Variants in MALRD1 observed in about 807,000 individuals in gnomAD.
MALRD1 encodes MAM and LDL receptor class A domain containing 1, also known as MAM and LDL-receptor class A domain-containing protein 1.
MALRD1 carries 247 observed loss-of-function variants against 242.1 expected under a neutral mutation model. That is an observed-to-expected ratio of 1.02 (90% CI 0.92 to 1.13). The LOEUF (loss-of-function observed/expected upper bound fraction) is 1.13, where lower values mean the gene tolerates loss of function less well. Among genes scored for constraint, MALRD1 ranks in the 50% most tolerant of loss-of-function variants. The pLI is 0.00. For missense variants in MALRD1, 2,989 were observed against 2,533.1 expected (o/e 1.18, Z -3.86); for synonymous variants, 995 against 866.6 (o/e 1.15, Z -2.60).
intron 21 of MALRD1, among the ~76,000 whole-genome samples, chr10:19,286,559 A>G (rs1841130304): frequency 1.3e-5 from 2 of 152,172 alleles, no homozygotes; most frequent in South Asian, 2.1e-4. Flanking sequence ...CAAATAAACT[A>G]GAAAATCTAG....
chr10:19,483,024 C>T (rs1428212756), intron 29 of MALRD1, among the ~76,000 whole-genome samples: 1 of 151,996 alleles, frequency 6.6e-6, no homozygotes, highest in Non-Finnish European at 1.5e-5. Context: ...AGAGTCATCA[C>T]ATTACATGAC....
At chr10:19,460,044 C>G (rs543827175) in intron 29 of MALRD1, among the ~76,000 whole-genome samples, 7 of 151,918 alleles carry the variant, frequency 4.6e-5, no homozygotes, top group Admixed American at 6.6e-5. Flanking sequence ...GGATCTAGGT[C>G]AGTAGGACCA....
intron 38 of MALRD1, chr10:19,722,642 A>G (rs1425730355): frequency 6.7e-6 from 1 of 148,660 alleles, no homozygotes; most frequent in Non-Finnish European, 1.5e-5. Flanking sequence ...TTAAAATACT[A>G]CAGTGATTAT....
intron 32 of MALRD1, among the ~76,000 whole-genome samples, chr10:19,550,752 G>A (rs992051951): frequency 1.3e-5 from 2 of 152,102 alleles, no homozygotes; most frequent in Non-Finnish European, 2.9e-5. Flanking sequence ...ACTAATAGGG[G>A]TTTAGGTTGA....
At position 19,319,342 on chromosome 10, in the gene MALRD1, C is replaced by G. The variant is rs535481061; in HGVS notation, c.3420-4607C>G. 2.7e-3 allele frequency among the ~76,000 whole-genome samples: 408 copies of G among 152,182 alleles called. 2 individuals carry two copies. The highest frequency in any genetic ancestry group is 0.02 in the Middle Eastern group (6 of 294). ...ACCAGTCAAGGTTCATTTTTCCCCT[C>G]ATGGCTAACTAACTTATTCAGTTCA... is the stretch of plus-strand genomic sequence containing the variant. On this transcript the variant is annotated intron_variant, in intron 21 of 39. Coordinates refer to ENST00000454679, the MANE Select transcript of MALRD1 (RefSeq NM_001142308.3).
chr10:19,155,748 G>A (rs1834119840), intron 12 of MALRD1, among the ~76,000 whole-genome samples: 1 of 152,116 alleles, frequency 6.6e-6, no homozygotes, highest in African/African-American at 2.4e-5. Context: ...AAACATACAT[G>A]ATTGTATGCA....
intron 4 of MALRD1, among the ~76,000 whole-genome samples, chr10:19,102,050 T>C (rs112990623): frequency 2.9e-5 from 3 of 103,774 alleles, no homozygotes; most frequent in Non-Finnish European, 5.8e-5. Flanking sequence ...AATTATAATC[T>C]ATATTATAAT....
intron 18 of MALRD1, among the ~76,000 whole-genome samples, chr10:19,249,791 A>G (rs1398315766): frequency 6.6e-6 from 1 of 152,010 alleles, no homozygotes; most frequent in Non-Finnish European, 1.5e-5. Flanking sequence ...ACAATAACTA[A>G]TGGGTGGGTA....
chr10:19,229,553 G>T, intron 18 of MALRD1, among the ~76,000 whole-genome samples: 1 of 152,010 alleles, frequency 6.6e-6, no homozygotes, highest in East Asian at 1.9e-4. Context: ...AACTTGATTT[G>T]CATTTGTTGT....
intron 26 of MALRD1, among the ~76,000 whole-genome samples, chr10:19,354,338 C>T (rs969965071): frequency 2.6e-5 from 4 of 151,986 alleles, no homozygotes; most frequent in African/African-American, 9.7e-5. Context: ...AAAAATTGCT[C>T]TTAAAAATAA....
chr10:19,690,341 A>G (rs1305733660), intron 36 of MALRD1, among the ~76,000 whole-genome samples: 3 of 152,062 alleles, frequency 2.0e-5, no homozygotes, highest in African/African-American at 7.2e-5. Context: ...AAATCAATCA[A>G]TCAATTAGTA....
rs544144772 is a variant in MALRD1, at chr10:19,635,066, A to G, written c.6137+19143A>G. Among the ~76,000 whole-genome samples the G allele has an allele frequency of 7.2e-5, 11 of 152,176 alleles. No homozygotes were observed. The South Asian group carries it at 1.7e-3, about 23-fold the overall frequency. On this transcript the variant is annotated intron_variant, in intron 36 of 39. Transcript: ENST00000454679. ...TGCCTTGCAACTAGTACTTGGATCA[A>G]ACCTTTTATAGGAATAATCCCTAAG...
intron 26 of MALRD1, among the ~76,000 whole-genome samples, chr10:19,361,430 G>C (rs963569172): frequency 3.3e-5 from 5 of 152,104 alleles, no homozygotes; most frequent in African/African-American, 9.7e-5. Flanking sequence ...TGCCATATCA[G>C]CCTACGATTT....
At chr10:19,283,232 A>T (rs912540739) in intron 21 of MALRD1, 51 bp downstream of exon 21, 2 of 1,353,176 alleles carry the variant, frequency 1.5e-6, no homozygotes, top group East Asian at 5.8e-5. Flanking sequence ...TTTATTAAGC[A>T]TCTCCCAAAT....
intron 26 of MALRD1, among the ~76,000 whole-genome samples, chr10:19,379,224 A>G (rs1845734465): frequency 5.9e-5 from 9 of 151,874 alleles, no homozygotes; most frequent in Admixed American, 5.2e-4. Context: ...ATGTTTTATC[A>G]GTTTTACTGA....
intron 30 of MALRD1, among the ~76,000 whole-genome samples, chr10:19,494,127 G>A (rs1190132784): frequency 4.6e-5 from 7 of 152,094 alleles, no homozygotes; most frequent in Admixed American, 1.3e-4. Context: ...TGCACTTAGC[G>A]CCACATGCTG....
chr10:19,329,251 G>A (rs1357758081), intron 23 of MALRD1, among the ~76,000 whole-genome samples: 1 of 152,030 alleles, frequency 6.6e-6, no homozygotes, highest in African/African-American at 2.4e-5. Context: ...GAGAGACAGT[G>A]GTTAGTTAGG....
intron 26 of MALRD1, among the ~76,000 whole-genome samples, chr10:19,369,458 A>C (rs1165830955): frequency 1.3e-5 from 2 of 148,390 alleles, no homozygotes; most frequent in East Asian, 3.9e-4. Flanking sequence ...CTTAACATTG[A>C]GATATAGTTT....
chr10:19,552,273 T>C (rs941029502), intron 32 of MALRD1, among the ~76,000 whole-genome samples: 2 of 152,152 alleles, frequency 1.3e-5, no homozygotes, highest in Non-Finnish European at 2.9e-5. Context: ...TCAGAACTCG[T>C]TATTGGCCTG....
Sources: gnomAD v4.1 joint callset for allele counts (sites outside exome capture counted in the v4.1 genomes callset) on GRCh38, gnomAD v4.1.1 for gene constraint, MANE v1.5 for transcripts, NCBI Gene and HGNC (gene_info 2026-07-23, HGNC 2026-07-21) for gene names.